Variants in EYS observed in about 807,000 individuals in gnomAD.
EYS encodes the protein protein eyes shut homolog.
A neutral mutation model predicts 282.1 loss-of-function variants in EYS; 250 were observed. The ratio of observed to expected loss-of-function variants is 0.89; its 90% CI spans 0.80 to 0.98. The LOEUF (loss-of-function observed/expected upper bound fraction) is 0.98. Among genes scored for constraint, EYS ranks in the 50% least tolerant of loss-of-function variants. The pLI is 0.00. For synonymous variants in EYS, 1,355 were observed against 1,282.9 expected (o/e 1.06, Z -1.20); for missense variants, 4,016 against 3,709.0 (o/e 1.08, Z -2.15).
chr6:64,115,457 A>G (rs1216930233), intron 31 of EYS, among the ~76,000 whole-genome samples: 1 of 152,058 alleles, frequency 6.6e-6, no homozygotes, highest in Non-Finnish European at 1.5e-5. Context: ...GATTTTCCCC[A>G]TGAGAGAAAA....
chr6:64,082,882 T>C (rs1381461608), intron 31 of EYS, among the ~76,000 whole-genome samples: 2 of 151,662 alleles, frequency 1.3e-5, no homozygotes, highest in Non-Finnish European at 2.9e-5. Context: ...TTCTTTAACA[T>C]TTGGTAATAA....
intron 31 of EYS, among the ~76,000 whole-genome samples, chr6:64,100,124 GA>G (rs113940876): frequency 0.042 from 6,381 of 152,148 alleles, 393 homozygotes; most frequent in African/African-American, 0.14. Flanking sequence ...TGTGCAATTT[GA>G]AAATATTATT....
chr6:64,409,263 G>C (rs970082178), intron 28 of EYS, among the ~76,000 whole-genome samples: 2 of 152,144 alleles, frequency 1.3e-5, no homozygotes, highest in African/African-American at 4.8e-5. Context: ...ACATATGACT[G>C]CATGTGTTTT....
chr6:65,197,229 A>G (rs1765791820), intron 12 of EYS, among the ~76,000 whole-genome samples: 1 of 152,100 alleles, frequency 6.6e-6, no homozygotes, highest in Non-Finnish European at 1.5e-5. Context: ...AAATATGTAG[A>G]AAGGATATAC....
chr6:64,000,509 G>C (rs1768046760), intron 33 of EYS, among the ~76,000 whole-genome samples: 1 of 151,604 alleles, frequency 6.6e-6, no homozygotes. Context: ...AGGACTTTTA[G>C]TTTTAAAACC....
chr6:63,790,807 A>C (rs1770490959), intron 37 of EYS, among the ~76,000 whole-genome samples: 1 of 152,100 alleles, frequency 6.6e-6, no homozygotes, highest in African/African-American at 2.4e-5. Flanking sequence ...TTTTTCTGAG[A>C]GATTCTGGAG....
chr6:64,962,464 C>T (rs528273190), intron 14 of EYS, among the ~76,000 whole-genome samples: 9 of 151,856 alleles, frequency 5.9e-5, no homozygotes, highest in African/African-American at 2.2e-4. Context: ...GGCATGGTGG[C>T]TCATGCCTGA....
intron 22 of EYS, among the ~76,000 whole-genome samples, chr6:64,693,018 G>T (rs1162301): frequency 1.5e-4 from 3 of 19,734 alleles, no homozygotes; most frequent in African/African-American, 2.7e-4. Flanking sequence ...AGGAATTTTA[G>T]AATTTTTTTT....
chr6:65,448,172 A>G (rs1006377352), intron 5 of EYS, among the ~76,000 whole-genome samples: 2 of 152,046 alleles, frequency 1.3e-5, no homozygotes, highest in South Asian at 4.1e-4. Context: ...TGATACAAAC[A>G]CAACTCACCC....
intron 8 of EYS, among the ~76,000 whole-genome samples, chr6:65,372,745 A>C (rs1026095067): frequency 5.3e-4 from 81 of 152,222 alleles, no homozygotes; most frequent in African/African-American, 1.9e-3. Context: ...TCAATAAGGA[A>C]GTTCGCCATC....
At chr6:64,370,900 A>T (rs1038137334) in intron 29 of EYS, among the ~76,000 whole-genome samples, 4 of 151,066 alleles carry the variant, frequency 2.6e-5, no homozygotes, top group Non-Finnish European at 4.4e-5. Context: ...GTTTATTTGG[A>T]TCTTCTGTTT....
At chr6:64,765,545 A>T (rs1773296914) in intron 22 of EYS, among the ~76,000 whole-genome samples, 1 of 152,210 alleles carries the variant, frequency 6.6e-6, no homozygotes, top group South Asian at 2.1e-4. Context: ...CACTACAGTA[A>T]AGAACTACCT....
intron 29 of EYS, among the ~76,000 whole-genome samples, chr6:64,372,519 G>A (rs1283822510): frequency 2.0e-5 from 3 of 151,906 alleles, no homozygotes. Flanking sequence ...CTGTGTCTTG[G>A]GGGTGGTCTT....
chr6:64,987,226 G>A (rs550107315), intron 14 of EYS, among the ~76,000 whole-genome samples: 23 of 151,594 alleles, frequency 1.5e-4, no homozygotes, highest in Non-Finnish European at 7.4e-5. Context: ...TCAGGTTCTT[G>A]CTACACCTCT....
intron 12 of EYS, among the ~76,000 whole-genome samples, chr6:65,258,374 ATCT>A (rs1190924514): frequency 4.6e-5 from 7 of 152,040 alleles, no homozygotes; most frequent in Non-Finnish European, 8.8e-5. Context: ...GATATAGGTA[ATCT>A]TCTGAGAAAA....
intron 22 of EYS, among the ~76,000 whole-genome samples, chr6:64,700,849 G>A (rs548322291): frequency 5.9e-5 from 9 of 151,888 alleles, no homozygotes; most frequent in East Asian, 5.8e-4. Flanking sequence ...TCATCATCAC[G>A]TTTTACAGAA....
At chr6:64,542,711 T>A (rs1355018234) in intron 26 of EYS, among the ~76,000 whole-genome samples, 1 of 152,204 alleles carries the variant, frequency 6.6e-6, no homozygotes, top group East Asian at 1.9e-4. Flanking sequence ...AATTGTCTGA[T>A]GTGGACCATT....
intron 31 of EYS, among the ~76,000 whole-genome samples, chr6:64,214,208 A>T (rs1765862775): frequency 6.6e-6 from 1 of 152,068 alleles, no homozygotes; most frequent in Non-Finnish European, 1.5e-5. Flanking sequence ...CGTTGTACAA[A>T]ATGTTAACTG....
rs552644272 is a variant in EYS at position 63,999,465 on chromosome 6, G to A, written c.6726-282C>T. ...TCCCACAAAATAAAAAGAGCTTCATGTGTATAAGTAGATATTGACAAATTT... is the reference window on the plus strand; with the variant it reads ...TCCCACAAAATAAAAAGAGCTTCATATGTATAAGTAGATATTGACAAATTT... On this transcript the variant is annotated intron_variant, in intron 33 of 42. Transcript: ENST00000503581. Among the ~76,000 whole-genome samples, 764 of 152,342 alleles carry A rather than the reference G, an allele frequency of 5.0e-3. 3 individuals are homozygous for A. The highest frequency in any genetic ancestry group is 7.7e-3 in the Non-Finnish European group (523 of 68,032).
Sources: allele counts gnomAD v4.1 joint callset (sites outside exome capture counted in the v4.1 genomes callset), GRCh38; gene constraint gnomAD v4.1.1; transcripts MANE v1.5; gene names NCBI Gene and HGNC (gene_info 2026-07-23, HGNC 2026-07-21).